Variants in FBN2 observed in about 807,000 individuals in gnomAD.
FBN2 encodes the protein fibrillin 2, also known as fibrillin-2.
FBN2 carries 105 observed loss-of-function variants against 355.6 expected under a neutral mutation model. The ratio of observed to expected loss-of-function variants is 0.30; its 90% confidence interval spans 0.25 to 0.35. FBN2 has a LOEUF of 0.35. Ranked by LOEUF, FBN2 falls within the 10% of genes least tolerant of loss-of-function variation. FBN2 has a pLI of 1.00. For missense variants in FBN2, 3,280 were observed against 3,758.7 expected (o/e 0.87, Z 3.33); for synonymous variants, 1,350 against 1,301.2 (o/e 1.04, Z -0.81).
intron 7 of FBN2, among the ~76,000 whole-genome samples, chr5:128,444,042 A>G (rs1753995841): frequency 6.7e-6 from 1 of 149,066 alleles, no homozygotes. Flanking sequence ...ATATAAGCAA[A>G]TATCACTTGT....
chr5:128,320,720 C>T (rs538762242), intron 34 of FBN2, among the ~76,000 whole-genome samples: 1 of 152,268 alleles, frequency 6.6e-6, no homozygotes, highest in Admixed American at 6.5e-5. Flanking sequence ...GATGATGAGA[C>T]ATTTTTATAT....
intron 5 of FBN2, among the ~76,000 whole-genome samples, chr5:128,491,687 A>C (rs1419643402): frequency 6.6e-6 from 1 of 152,236 alleles, no homozygotes; most frequent in African/African-American, 2.4e-5. Flanking sequence ...CATGTTAAGC[A>C]TAAAGAGGAA....
At chr5:128,313,431 G>A (rs983460262) in intron 36 of FBN2, among the ~76,000 whole-genome samples, 10 of 152,002 alleles carry the variant, frequency 6.6e-5, no homozygotes, top group Non-Finnish European at 1.3e-4. Flanking sequence ...TTATTTCAAA[G>A]TTAACACATC....
chr5:128,299,427 C>G (rs1299088339), intron 48 of FBN2, among the ~76,000 whole-genome samples: 1 of 44,170 alleles, frequency 2.3e-5, no homozygotes, highest in Non-Finnish European at 5.8e-5. Flanking sequence ...CGCCCCTCCC[C>G]CAGCCTCACA....
intron 7 of FBN2, among the ~76,000 whole-genome samples, chr5:128,416,037 T>C (rs965625019): frequency 1.3e-5 from 2 of 151,904 alleles, no homozygotes; most frequent in African/African-American, 4.8e-5. Context: ...TTTTTTTTTT[T>C]TTTTTTTAGA....
intron 19 of FBN2, among the ~76,000 whole-genome samples, chr5:128,358,940 A>G (rs1431485753): frequency 6.6e-6 from 1 of 152,048 alleles, no homozygotes; most frequent in Non-Finnish European, 1.5e-5. Flanking sequence ...CCTTTAAATA[A>G]TATGTTGTTA....
chr5:128,491,064 A>G (rs936021193), intron 5 of FBN2, among the ~76,000 whole-genome samples: 6 of 100,412 alleles, frequency 6.0e-5, no homozygotes, highest in African/African-American at 2.9e-4. Context: ...TAGCATCTTA[A>G]GTTCAGAGAA....
intron 7 of FBN2, among the ~76,000 whole-genome samples, chr5:128,426,845 A>T (rs1400497977): frequency 6.6e-6 from 1 of 152,144 alleles, no homozygotes; most frequent in Non-Finnish European, 1.5e-5. Flanking sequence ...TTATGGAGCT[A>T]TAATCTCCCT....
intron 5 of FBN2, among the ~76,000 whole-genome samples, chr5:128,484,782 A>G (rs898489077): frequency 5.3e-5 from 8 of 152,186 alleles, no homozygotes; most frequent in African/African-American, 1.9e-4. Context: ...GTAAAGCCCA[A>G]GGTCAATGCA....
intron 5 of FBN2, among the ~76,000 whole-genome samples, chr5:128,477,661 TAGAC>T (rs1755041237): frequency 6.6e-6 from 1 of 152,156 alleles, no homozygotes; most frequent in Non-Finnish European, 1.5e-5. Context: ...ACAGTAGGCT[TAGAC>T]AGGTTAAATA....
intron 7 of FBN2, among the ~76,000 whole-genome samples, chr5:128,416,528 G>T (rs1290710434): frequency 1.3e-5 from 2 of 152,120 alleles, no homozygotes; most frequent in Admixed American, 6.6e-5. Context: ...TCTTCTAGTA[G>T]TTTTATGGTT....
At chr5:128,424,808 A>G (rs1038414077) in intron 7 of FBN2, among the ~76,000 whole-genome samples, 1 of 152,170 alleles carries the variant, frequency 6.6e-6, no homozygotes, top group African/African-American at 2.4e-5. Flanking sequence ...GCATGAAGTA[A>G]TAATGGTGGC....
At chr5:128,353,542 C>T (rs978765880) in intron 20 of FBN2, among the ~76,000 whole-genome samples, 1 of 152,156 alleles carries the variant, frequency 6.6e-6, no homozygotes, top group African/African-American at 2.4e-5. Context: ...ACAGAGGAAA[C>T]AGAGATGTTT....
At chr5:128,343,247 G>A in intron 25 of FBN2, among the ~76,000 whole-genome samples, 1 of 152,188 alleles carries the variant, frequency 6.6e-6, no homozygotes, top group East Asian at 1.9e-4. Flanking sequence ...AGGACTTGGA[G>A]GTGAATGCAG....
In FBN2 at chr5:128,259,571, T is replaced by C. The variant is rs1554115164; in HGVS notation, c.8623A>G (p.Ile2875Val). The C allele has an allele frequency of 1.2e-6, 2 of 1,614,046 alleles. No individual in the cohort carries two copies. Among genetic ancestry groups the C allele is most frequent in the Non-Finnish European group, 1.7e-6 (2 of 1,179,990 alleles). The stretch of plus-strand genomic sequence containing the variant: ...AGCTCCTTCTTCTTGTAGAGAGGGA[T>C]GCTAGTGATTTCCAGTGTGTATGTG... ...PGTYTLEITSIPLYKKKELKK... is the reference protein window; with the variant it reads ...PGTYTLEITSVPLYKKKELKK... Residue 2875 changes from isoleucine to valine, a missense_variant, in exon 65 of 65, where the codon ATC (isoleucine) becomes GTC (valine). Coordinates refer to ENST00000262464, the MANE Select transcript of FBN2 (RefSeq NM_001999.4).
intron 63 of FBN2, among the ~76,000 whole-genome samples, chr5:128,262,818 C>A (rs898504409): frequency 2.0e-5 from 3 of 152,198 alleles, no homozygotes; most frequent in Non-Finnish European, 4.4e-5. Flanking sequence ...AGCACCACGG[C>A]CTTCCTGGAA....
chr5:128,530,355 T>G (rs916349522), intron 3 of FBN2, among the ~76,000 whole-genome samples: 1 of 152,230 alleles, frequency 6.6e-6, no homozygotes, highest in African/African-American at 2.4e-5. Context: ...TTTGAGACTA[T>G]ACACTTAGGC....
At chr5:128,407,670 G>A (rs1752963569) in intron 8 of FBN2, among the ~76,000 whole-genome samples, 1 of 152,198 alleles carries the variant, frequency 6.6e-6, no homozygotes, top group African/African-American at 2.4e-5. Flanking sequence ...ACTGCTGGAT[G>A]ACCTGATATA....
At chr5:128,354,794 G>A (rs944942661) in intron 20 of FBN2, among the ~76,000 whole-genome samples, 2 of 152,198 alleles carry the variant, frequency 1.3e-5, no homozygotes, top group African/African-American at 4.8e-5. Context: ...GGAGACTCAG[G>A]TTCAAGCCAG....
Sources: allele counts gnomAD v4.1 joint callset (sites outside exome capture counted in the v4.1 genomes callset), GRCh38; gene constraint gnomAD v4.1.1; transcripts MANE v1.5; gene names NCBI Gene and HGNC (gene_info 2026-07-23, HGNC 2026-07-21).